PFN2: variants seen among roughly 807,000 people sequenced by gnomAD.
PFN2 encodes profilin-2.
PFN2 carries 8 observed loss-of-function variants against 15.3 expected under a neutral mutation model. The ratio of observed to expected loss-of-function variants is 0.52; its 90% confidence interval spans 0.31 to 0.95. The LOEUF (loss-of-function observed/expected upper bound fraction) is 0.95, where lower values mean the gene tolerates loss of function less well. PFN2 is among the 40% of genes least tolerant of loss of function. The probability of loss-of-function intolerance (pLI) is 0.05; values close to 1 mark genes in which losing one functional copy is unlikely to be tolerated. For synonymous variants in PFN2, 79 were observed against 67.9 expected, an observed-to-expected ratio of 1.16 and a Z score of -0.81; for missense variants, 111 against 182.3, an observed-to-expected ratio of 0.61 and a Z score of 2.25.
Position 149,966,484 on chromosome 3 carries a change from A to G in PFN2, c.*5T>C. The G allele has an allele frequency of 6.2e-7, 1 of 1,612,640 alleles. No homozygotes were observed. Among genetic ancestry groups the G allele is most frequent in the Non-Finnish European group, 8.5e-7 (1 of 1,179,040 alleles). On this transcript the variant is annotated 3_prime_UTR_variant, in exon 3 of 3. Coordinates refer to ENST00000239940, the MANE Select transcript of PFN2 (RefSeq NM_053024.4). ...TCCCCTAATACTTAACAGTCTGCCT[A>G]GCAGCTAGAACCCAGAGTCTCTCAA...
intron 2 of PFN2, among the ~76,000 whole-genome samples, chr3:149,967,305 T>G (rs1722719422): frequency 6.6e-6 from 1 of 152,226 alleles, no homozygotes; most frequent in Admixed American, 6.5e-5. Flanking sequence ...CTGTATCGTA[T>G]AAAATATTCT....
In PFN2 at chr3:149,965,167, A is replaced by G. The variant is rs1722648820; in HGVS notation, c.*1322T>C. Reference sequence around the variant, plus strand: ...ACCCTTAATAGGTCAGTTAAAATCCATCTCACAATAGCAACAGTTCATTTT... The same window carrying G: ...ACCCTTAATAGGTCAGTTAAAATCCGTCTCACAATAGCAACAGTTCATTTT... On this transcript the variant is annotated 3_prime_UTR_variant, in exon 3 of 3. Coordinates refer to ENST00000239940, the MANE Select transcript of PFN2 (RefSeq NM_053024.4). 4 of 1,410,112 alleles carry G rather than the reference A, an allele frequency of 2.8e-6. No homozygotes were observed. Among genetic ancestry groups the G allele is most frequent in the Non-Finnish European group, 3.8e-6 (4 of 1,053,360 alleles). 87.3% of individuals were successfully genotyped at this position (1,410,112 alleles called of 1,614,324 possible). A position where few individuals can be genotyped will look rare whatever the true frequency, so the allele number is the denominator to read the frequency against.
At position 149,965,263 on chromosome 3, in the gene PFN2, C is replaced by A; in HGVS notation, c.*1226G>T. 2 of 1,535,328 alleles carry A rather than the reference C, an allele frequency of 1.3e-6. No homozygotes were observed. Among genetic ancestry groups the A allele is most frequent in the South Asian group, 1.2e-5 (1 of 83,984 alleles). On this transcript the variant is annotated 3_prime_UTR_variant, in exon 3 of 3. Transcript: ENST00000239940. ...GACAGCCAAGTCCACAATAATGCAA[C>A]TTCATATAAAAACTCAAGCTGCAAA...
Position 149,965,045 on chromosome 3 carries a change from G to C in PFN2, c.*1444C>G. ...TGCAGGGAAAGAAATGGACAAATCA[G>C]CAACAAGATTTGTTTTTAAATCTGT... On this transcript the variant is annotated 3_prime_UTR_variant, in exon 3 of 3. Transcript: ENST00000239940. 3.7e-6 allele frequency: 2 copies of C among 534,120 alleles called. No individual in the cohort carries two copies. Among genetic ancestry groups the C allele is most frequent in the Non-Finnish European group, 6.5e-6 (2 of 308,818 alleles). 33.1% of individuals were successfully genotyped at this position (534,120 alleles called of 1,614,324 possible).
Position 149,965,327 on chromosome 3 carries a change from C to G in PFN2, c.*1162G>C. 6.5e-7 allele frequency: 1 copy of G among 1,528,710 alleles called. No individual in the cohort carries two copies. Among genetic ancestry groups the G allele is most frequent in the Non-Finnish European group, 8.7e-7 (1 of 1,144,548 alleles). 94.7% of individuals were successfully genotyped at this position (1,528,710 alleles called of 1,614,324 possible). A position where few individuals can be genotyped will look rare whatever the true frequency, so the allele number is the denominator to read the frequency against. On this transcript the variant is annotated 3_prime_UTR_variant, in exon 3 of 3. Transcript: ENST00000239940. ...TATGAAGAACAAACTGGACACACTCCAGATGGTTATGTTGGGATACCTAAT... is the reference window on the plus strand; with the variant it reads ...TATGAAGAACAAACTGGACACACTCGAGATGGTTATGTTGGGATACCTAAT...
At position 149,966,183 on chromosome 3, in the gene PFN2, C is replaced by A. The variant is rs1226534588; in HGVS notation, c.*306G>T. The A allele has an allele frequency of 6.2e-7, 1 of 1,613,442 alleles. No individual in the cohort carries two copies. The highest frequency in any genetic ancestry group is 1.3e-5 in the African/African-American group (1 of 74,886). ...AGAGGCTGCTTACACATCAGACCTC[C>A]TCAGGTATAAAGCGAGTTCATATGC... On this transcript the variant is annotated 3_prime_UTR_variant, in exon 3 of 3. Transcript: ENST00000239940.
At chr3:149,967,738 A>G (rs1177810074) in intron 2 of PFN2, among the ~76,000 whole-genome samples, 3 of 152,250 alleles carry the variant, frequency 2.0e-5, no homozygotes, top group Non-Finnish European at 4.4e-5. Flanking sequence ...TAATGCTGAC[A>G]ACAGTCTGGA....
In PFN2 at chr3:149,970,882, G is replaced by C. The variant is rs1339324412; in HGVS notation, c.-26C>G. On this transcript the variant is annotated 5_prime_UTR_variant, in exon 1 of 3. Coordinates refer to ENST00000239940, the MANE Select transcript of PFN2 (RefSeq NM_053024.4). ...CTTCGAGCCCTTCGCACTGCAGCGC[G>C]GACGGCGAGGAGCAGCAGGCGCAGC... 1 of 1,333,744 alleles carries C rather than the reference G, an allele frequency of 7.5e-7. No individual in the cohort carries two copies. Among genetic ancestry groups the C allele is most frequent in the Non-Finnish European group, 9.8e-7 (1 of 1,024,246 alleles). The allele number at this position is 1,333,744 out of a possible 1,614,324, so 82.6% of individuals were successfully genotyped here.
intron 2 of PFN2, chr3:149,968,136 A>G (rs527729004): frequency 4.4e-6 from 2 of 452,524 alleles, no homozygotes; most frequent in South Asian, 1.1e-4. Flanking sequence ...GTGAGTTCAT[A>G]CGAATATTCT....
intron 1 of PFN2, chr3:149,968,843 A>G (rs1184255685): frequency 9.0e-6 from 3 of 332,830 alleles, no homozygotes; most frequent in Admixed American, 4.5e-5. Flanking sequence ...CACTAGACAA[A>G]GTGCAAACTT....
Position 149,968,566 on chromosome 3 carries a change from A to T in PFN2, c.133-16T>A. 1 of 1,443,002 alleles carries T rather than the reference A, an allele frequency of 6.9e-7. No individual in the cohort carries two copies. The highest frequency in any genetic ancestry group is 9.1e-7 in the Non-Finnish European group (1 of 1,104,296). 89.4% of individuals were successfully genotyped at this position (1,443,002 alleles called of 1,614,324 possible). A position where few individuals can be genotyped will look rare whatever the true frequency, so the allele number is the denominator to read the frequency against. On this transcript the variant is annotated splice_polypyrimidine_tract_variant and intron_variant, in intron 1 of 2. Transcript: ENST00000239940. ...TTTCTATTGGCTGCCCCCCACCAAA[A>T]AGAAAAAAAAAAAACACACACACAT...
chr3:149,970,696 C>A (rs1409885536), intron 1 of PFN2, 29 bp downstream of exon 1: 5 of 1,489,730 alleles, frequency 3.4e-6, no homozygotes, highest in Admixed American at 2.2e-5. Context: ...GGTGCAGGGA[C>A]CAGGGTACCG....
In PFN2 at chr3:149,968,239, G is replaced by C. The variant is rs552467600; in HGVS notation, c.325+119C>G. 4 of 849,928 alleles carry C rather than the reference G, an allele frequency of 4.7e-6. No homozygotes were observed. In the East Asian group the frequency reaches 9.7e-5, roughly 21 times the overall value. 52.6% of individuals were successfully genotyped at this position (849,928 alleles called of 1,614,324 possible). On this transcript the variant is annotated intron_variant, in intron 2 of 2. Transcript: ENST00000239940. ...CAGTGCTTCTCCATAGTGCTGGGCA[G>C]TTCACAAAAACCACCTTAATAGCCA...
At position 149,965,523 on chromosome 3, in the gene PFN2, ACT is replaced by A. The variant is rs1234493379; in HGVS notation, c.*964_*965del. Reference sequence around the variant, plus strand: ...CTTTTTGCTCTTGTTTTGCCATTGCACTCTTCATATGTCCTGTAGACACTATG... The same window carrying A: ...CTTTTTGCTCTTGTTTTGCCATTGCACTTCATATGTCCTGTAGACACTATG... On this transcript the variant is annotated 3_prime_UTR_variant, in exon 3 of 3. Transcript: ENST00000239940. 3 of 1,399,810 alleles carry A rather than the reference ACT, an allele frequency of 2.1e-6. No homozygotes were observed. Among genetic ancestry groups the A allele is most frequent in the Admixed American group, 3.3e-5 (1 of 30,394 alleles). 86.7% of individuals were successfully genotyped at this position (1,399,810 alleles called of 1,614,324 possible).
At chr3:149,967,935 T>C (rs1379829868) in intron 2 of PFN2, among the ~76,000 whole-genome samples, 1 of 152,170 alleles carries the variant, frequency 6.6e-6, no homozygotes. Flanking sequence ...TTTTTCCTTC[T>C]TTATGCTGAG....
At position 149,970,892 on chromosome 3, in the gene PFN2, G is replaced by T; in HGVS notation, c.-36C>A. 1 of 1,285,704 alleles carries T rather than the reference G, an allele frequency of 7.8e-7. No individual in the cohort carries two copies. The highest frequency in any genetic ancestry group is 1.0e-6 in the Non-Finnish European group (1 of 1,002,478). The allele number at this position is 1,285,704 out of a possible 1,614,324, so 79.6% of individuals were successfully genotyped here. A position where few individuals can be genotyped will look rare whatever the true frequency, so the allele number is the denominator to read the frequency against. On this transcript the variant is annotated 5_prime_UTR_variant, in exon 1 of 3. Coordinates refer to ENST00000239940, the MANE Select transcript of PFN2 (RefSeq NM_053024.4). The stretch of plus-strand genomic sequence containing the variant: ...TTCGCACTGCAGCGCGGACGGCGAG[G>T]AGCAGCAGGCGCAGCGGCGGCGGCG...
rs930243825 is a variant in PFN2, at chr3:149,970,718, T to C, written c.132+7A>G. 77 of 1,504,850 alleles carry C rather than the reference T, an allele frequency of 5.1e-5. No individual in the cohort carries two copies. The highest frequency in any genetic ancestry group is 6.8e-5 in the Non-Finnish European group (76 of 1,122,488). 93.2% of individuals were successfully genotyped at this position (1,504,850 alleles called of 1,614,324 possible). A position where few individuals can be genotyped will look rare whatever the true frequency, so the allele number is the denominator to read the frequency against. ...GGACCAGGGTACCGGCCGCCACTGG[T>C]CCTCACCGTAATGCTCTGAAAGACG... On this transcript the variant is annotated splice_region_variant and intron_variant, in intron 1 of 2. Transcript: ENST00000239940.
At chr3:149,968,731 A>G in intron 1 of PFN2, 181 bp from the exon 2 acceptor site, 1 of 565,140 alleles carries the variant, frequency 1.8e-6, no homozygotes, top group Non-Finnish European at 3.1e-6. Context: ...TTAATCCTAT[A>G]TAATCACATA....
chr3:149,965,603 T>C lies in PFN2; in HGVS notation c.*886A>G, dbSNP rs1026568559. Reference sequence around the variant, plus strand: ...AACAACAATACTAAAAGCAAACTACTGCAGCTCTCAATAGCTCATCAACAA... The same window carrying C: ...AACAACAATACTAAAAGCAAACTACCGCAGCTCTCAATAGCTCATCAACAA... On this transcript the variant is annotated 3_prime_UTR_variant, in exon 3 of 3. Coordinates refer to ENST00000239940, the MANE Select transcript of PFN2 (RefSeq NM_053024.4). The C allele has an allele frequency of 1.9e-5, 22 of 1,157,376 alleles. No individual in the cohort carries two copies. Among genetic ancestry groups the C allele is most frequent in the Non-Finnish European group, 2.3e-5 (22 of 940,164 alleles). The allele number at this position is 1,157,376 out of a possible 1,614,324, so 71.7% of individuals were successfully genotyped here. A position where few individuals can be genotyped will look rare whatever the true frequency, so the allele number is the denominator to read the frequency against.
Sources: allele counts gnomAD v4.1 joint callset (sites outside exome capture counted in the v4.1 genomes callset), GRCh38; gene constraint gnomAD v4.1.1; transcripts MANE v1.5; gene names NCBI Gene and HGNC (gene_info 2026-07-23, HGNC 2026-07-21).